The following NOL9 variants were observed in gnomAD, a reference collection of about 807,000 sequenced individuals.
The protein encoded by NOL9 is polynucleotide 5'-hydroxyl-kinase NOL9.
In NOL9, 28 loss-of-function variants were observed where a neutral mutation model predicts 67.9. That is an observed-to-expected ratio of 0.41 (90% CI 0.31 to 0.57). NOL9 has a LOEUF of 0.57. NOL9 is among the 20% of genes least tolerant of loss of function. NOL9 has a pLI of 0.25. For missense variants in NOL9, 777 were observed against 897.0 expected (o/e 0.87, Z 1.71); for synonymous variants, 356 against 352.2 (o/e 1.01, Z -0.12).
intron 10 of NOL9, among the ~76,000 whole-genome samples, chr1:6,528,627 C>T (rs1638944747): frequency 6.6e-6 from 1 of 152,202 alleles, no homozygotes; most frequent in African/African-American, 2.4e-5. Context: ...TGAAGATGCA[C>T]ACTGACAAGA....
chr1:6,545,882 C>T (rs886944450), intron 3 of NOL9, among the ~76,000 whole-genome samples: 1 of 125,704 alleles, frequency 8.0e-6, no homozygotes, highest in Admixed American at 1.1e-4. Flanking sequence ...GCACTGCACT[C>T]CAACCTGGGC....
intron 3 of NOL9, chr1:6,548,499 C>A: frequency 3.8e-6 from 1 of 259,862 alleles, no homozygotes. Flanking sequence ...GTCAGCAGAG[C>A]CTACGGTGGT....
At chr1:6,543,730 C>CT (rs1283174279) in intron 5 of NOL9, among the ~76,000 whole-genome samples, 1 of 152,160 alleles carries the variant, frequency 6.6e-6, no homozygotes, top group Non-Finnish European at 1.5e-5. Flanking sequence ...AATCCCAGCA[C>CT]TTTGTGAGGC....
intron 10 of NOL9, 104 bp from the exon 11 acceptor site, chr1:6,526,933 A>T: frequency 7.3e-7 from 1 of 1,371,910 alleles, no homozygotes; most frequent in Non-Finnish European, 9.8e-7. Context: ...CTTTATATCA[A>T]CTCTGTTTTG....
At chr1:6,528,645 G>A (rs1638945353) in intron 10 of NOL9, among the ~76,000 whole-genome samples, 1 of 152,224 alleles carries the variant, frequency 6.6e-6, no homozygotes, top group Non-Finnish European at 1.5e-5. Flanking sequence ...AGATGGGTTT[G>A]GAACGCAGAC....
intron 3 of NOL9, among the ~76,000 whole-genome samples, chr1:6,546,345 T>C (rs1403711566): frequency 6.6e-6 from 1 of 151,982 alleles, no homozygotes; most frequent in East Asian, 1.9e-4. Context: ...GGCAATTCCA[T>C]CTCCTCCTCT....
chr1:6,532,698 A>C lies in NOL9; in HGVS notation c.1300T>G (p.Phe434Val). The C allele has an allele frequency of 6.2e-7, 1 of 1,614,188 alleles. No homozygotes were observed. Among genetic ancestry groups the C allele is most frequent in the Non-Finnish European group, 8.5e-7 (1 of 1,180,020 alleles). Residue 434 changes from phenylalanine (F) to valine (V), a missense_variant, in exon 8 of 12, where the codon TTC becomes GTC. By Grantham distance (50) the Phe-to-Val change is conservative (BLOSUM62 -1). Transcript: ENST00000377705. Reference sequence around the variant, plus strand: ...ATATATTTACTGTGGTCAGAGCGGAACTGAACCACGTGGCTGGGAGACAGC... The same window carrying C: ...ATATATTTACTGTGGTCAGAGCGGACCTGAACCACGTGGCTGGGAGACAGC... ...RLLSPSHVVQ[F>V]RSDHSKYMPD...
At chr1:6,532,417 T>G (rs1639049584) in intron 8 of NOL9, 46 bp downstream of exon 8, 1 of 1,555,956 alleles carries the variant, frequency 6.4e-7, no homozygotes, top group South Asian at 1.2e-5. Context: ...CAGGTCTTTT[T>G]CGACGGAAGG....
rs996116760 is a variant in NOL9 at position 6,524,350 on chromosome 1, C to G, written c.*1504G>C. On this transcript the variant is annotated 3_prime_UTR_variant, in exon 12 of 12. Coordinates refer to ENST00000377705, the MANE Select transcript of NOL9 (RefSeq NM_024654.5). The stretch of plus-strand genomic sequence containing the variant: ...TTCTGTCAAAGCGGTGGTCACAATA[C>G]CAGTTTGAACCTCAGCCCCAGGAAG... The G allele has an allele frequency of 6.6e-6, 1 of 152,066 alleles. No individual in the cohort carries two copies. Among genetic ancestry groups the G allele is most frequent in the African/African-American group, 2.4e-5 (1 of 41,390 alleles). The allele number at this position is 152,066 out of a possible 1,614,324, so 9.4% of individuals were successfully genotyped here.
At chr1:6,532,885 GAC>G in intron 7 of NOL9, 125 bp from the exon 8 acceptor site, 2 of 964,628 alleles carry the variant, frequency 2.1e-6, no homozygotes, top group Non-Finnish European at 3.0e-6. Flanking sequence ...CAATACGTTG[GAC>G]TTCGGCTGGG....
At chr1:6,536,345 CAAATAAAATAAAATA>C (rs70981383) in intron 6 of NOL9, among the ~76,000 whole-genome samples, 1 of 149,834 alleles carries the variant, frequency 6.7e-6, no homozygotes, top group African/African-American at 2.5e-5. Context: ...GACTCCGTCT[CAAATAAAATAAAATA>C]AAATAAAATA....
chr1:6,543,998 C>T (rs1322604198), intron 5 of NOL9, among the ~76,000 whole-genome samples: 2 of 152,066 alleles, frequency 1.3e-5, no homozygotes, highest in Non-Finnish European at 2.9e-5. Context: ...TGGTGGCGCA[C>T]GCCTGTAATC....
At position 6,554,439 on chromosome 1, in the gene NOL9, T is replaced by C; in HGVS notation, c.64A>G (p.Lys22Glu). Residue 22 changes from lysine (K) to glutamate (E), a missense_variant, in exon 1 of 12, where the codon AAG becomes GAG. Physicochemically the swap from Lys to Glu is moderately conservative, Grantham distance 56 (BLOSUM62 1). Transcript: ENST00000377705. Reference sequence around the variant, plus strand: ...CTGAGGATGAGCTGGGGCCGGGCCTTGCGGACCCGCAGCCAAGTGGAACGG... The same window carrying C: ...CTGAGGATGAGCTGGGGCCGGGCCTCGCGGACCCGCAGCCAAGTGGAACGG... ...SCRSTWLRVR[K>E]ARPQLILSRR... 6.4e-7 allele frequency: 1 copy of C among 1,550,840 alleles called. No homozygotes were observed. The highest frequency in any genetic ancestry group is 8.6e-7 in the Non-Finnish European group (1 of 1,160,542).
rs1198242664 is a variant in NOL9, at chr1:6,523,819, T to C, written c.*2035A>G. The C allele has an allele frequency of 3.9e-5, 6 of 152,060 alleles. No individual in the cohort carries two copies. Among genetic ancestry groups the C allele is most frequent in the Admixed American group, 1.3e-4 (2 of 15,244 alleles). The allele number at this position is 152,060 out of a possible 1,614,324, so 9.4% of individuals were successfully genotyped here. On this transcript the variant is annotated 3_prime_UTR_variant, in exon 12 of 12. Transcript: ENST00000377705. Reference sequence around the variant, plus strand: ...GATAGCTCCCTCTAGAGGCAACGATTTTTCTTTACTGATAGGGACTGAAGA... The same window carrying C: ...GATAGCTCCCTCTAGAGGCAACGATCTTTCTTTACTGATAGGGACTGAAGA...
intron 1 of NOL9, among the ~76,000 whole-genome samples, chr1:6,552,344 C>T (rs924349994): frequency 1.3e-5 from 2 of 149,894 alleles, no homozygotes; most frequent in African/African-American, 2.5e-5. Context: ...ATTTTCTGTA[C>T]CTGAATTAGT....
chr1:6,537,919 T>G (rs10864617), intron 6 of NOL9, among the ~76,000 whole-genome samples: 1 of 148,102 alleles, frequency 6.8e-6, no homozygotes. Flanking sequence ...GTCAGGAGAT[T>G]GAGACCATCC....
chr1:6,535,620 TTTTG>T (rs1186731640), intron 6 of NOL9, among the ~76,000 whole-genome samples: 1 of 152,128 alleles, frequency 6.6e-6, no homozygotes, highest in East Asian at 1.9e-4. Flanking sequence ...GTTTTCTTGT[TTTTG>T]TTTATTTTTA....
At chr1:6,538,843 C>T (rs1387244997) in intron 6 of NOL9, among the ~76,000 whole-genome samples, 2 of 151,400 alleles carry the variant, frequency 1.3e-5, no homozygotes, top group Non-Finnish European at 2.9e-5. Context: ...ATTAGCCAGG[C>T]GTGGTGTAGT....
chr1:6,543,320 C>T (rs1056948283), intron 5 of NOL9, among the ~76,000 whole-genome samples: 2 of 152,070 alleles, frequency 1.3e-5, no homozygotes, highest in Admixed American at 6.6e-5. Context: ...CTCAGCCTCC[C>T]GAATAGCTGG....
Sources: allele counts gnomAD v4.1 joint callset (sites outside exome capture counted in the v4.1 genomes callset), GRCh38; gene constraint gnomAD v4.1.1; transcripts MANE v1.5; gene names NCBI Gene and HGNC (gene_info 2026-07-23, HGNC 2026-07-21).